MSANTD7: variants seen among roughly 807,000 people sequenced by gnomAD.
MSANTD7 encodes the protein zinc finger and SCAN domain containing 29.
At chr10:14,845,032 T>C in the MSANTD7 span, 6 of 985,326 alleles carry the variant, frequency 6.1e-6, no homozygotes, top group East Asian at 6.8e-4. Context: ...TCTTTAACTT[T>C]GGGAACACTA....
At chr10:14,846,358 TGAA>T in the MSANTD7 span, 2 of 985,264 alleles carry the variant, frequency 2.0e-6, no homozygotes, top group African/African-American at 3.5e-5. Flanking sequence ...AAAGGAGTGC[TGAA>T]GAAGAGCATT....
chr10:14,842,928 C>G, the MSANTD7 span: 2 of 1,012,248 alleles, frequency 2.0e-6, no homozygotes, highest in Non-Finnish European at 2.8e-6. The surrounding 1 kb of genome is among the most constrained non-coding windows in gnomAD (Gnocchi z 5.2). Flanking sequence ...GGATAGTGTC[C>G]TCTTCAGCAT....
chr10:14,842,680 G>A, the MSANTD7 span: 28 of 1,536,272 alleles, frequency 1.8e-5, no homozygotes, highest in Non-Finnish European at 2.4e-5. The surrounding 1 kb of genome is among the most constrained non-coding windows in gnomAD (Gnocchi z 5.2). Flanking sequence ...ACGCCCCAGG[G>A]GAAGAGGGAA....
chr10:14,840,896 T>G, the MSANTD7 span, among the ~76,000 whole-genome samples: 4 of 152,226 alleles, frequency 2.6e-5, no homozygotes, highest in Non-Finnish European at 5.9e-5. Flanking sequence ...TCCCCATTTA[T>G]AGATGAGAAA....
chr10:14,844,447 T>C, the MSANTD7 span: 2 of 991,518 alleles, frequency 2.0e-6, no homozygotes, highest in Non-Finnish European at 2.4e-6. Context: ...TCATGGAGTT[T>C]GAAATCTTAA....
the MSANTD7 span, chr10:14,842,073 C>T: frequency 1.6e-5 from 21 of 1,308,170 alleles, no homozygotes; most frequent in Admixed American, 2.0e-5. This position sits in a 1 kb window ranked among gnomAD's most constrained non-coding sequence, Gnocchi z 5.2. Flanking sequence ...CACCACTTAA[C>T]TTGCTGCCAA....
At chr10:14,841,605 A>C in the MSANTD7 span, among the ~76,000 whole-genome samples, 9 of 152,344 alleles carry the variant, frequency 5.9e-5, no homozygotes, top group African/African-American at 2.2e-4. Context: ...ACAATATGTT[A>C]CTGTTTGTTT....
At chr10:14,845,634 C>A in the MSANTD7 span, 1 of 747,994 alleles carries the variant, frequency 1.3e-6, no homozygotes, top group Non-Finnish European at 1.6e-6. Context: ...CACTGTTTTG[C>A]CCAGGCTGGG....
chr10:14,846,184 A>G, the MSANTD7 span: 1 of 985,164 alleles, frequency 1.0e-6, no homozygotes, highest in Non-Finnish European at 1.2e-6. Context: ...TTCATTCTCA[A>G]TTGTCTTAGG....
At chr10:14,838,418 G>A in the MSANTD7 span, 2 of 1,606,118 alleles carry the variant, frequency 1.2e-6, no homozygotes, top group Non-Finnish European at 1.7e-6. Flanking sequence ...GGCCATCGGA[G>A]TTCACCTGGG....
the MSANTD7 span, chr10:14,846,917 G>A: frequency 3.0e-6 from 3 of 985,396 alleles, no homozygotes; most frequent in Non-Finnish European, 3.6e-6. Flanking sequence ...TAAATAAGGT[G>A]CTATGTATAC....
the MSANTD7 span, chr10:14,844,308 A>G: frequency 1.1e-5 from 12 of 1,062,360 alleles, no homozygotes; most frequent in Admixed American, 5.0e-4. Flanking sequence ...AGCACTGTAC[A>G]CATTTAAGTT....
chr10:14,844,263 T>G, the MSANTD7 span: 6 of 1,083,808 alleles, frequency 5.5e-6, no homozygotes, highest in Non-Finnish European at 6.9e-6. Flanking sequence ...GAGGATCACG[T>G]AGTTCATAGA....
the MSANTD7 span, chr10:14,841,382 A>AT: frequency 3.9e-5 from 6 of 152,158 alleles, no homozygotes. Flanking sequence ...CAACAATATG[A>AT]TTTTTTTAAT....
At chr10:14,844,282 G>A in the MSANTD7 span, 1 of 1,078,084 alleles carries the variant, frequency 9.3e-7, no homozygotes, top group Admixed American at 4.9e-5. Flanking sequence ...GATGTGAAAG[G>A]GTTTAAAAGT....
chr10:14,844,184 G>A, the MSANTD7 span: 2 of 1,218,964 alleles, frequency 1.6e-6, no homozygotes, highest in East Asian at 4.8e-5. Context: ...CCTCCCTCCA[G>A]TGGTTTCCTC....
the MSANTD7 span, chr10:14,846,568 C>T: frequency 1.0e-6 from 1 of 983,752 alleles, no homozygotes; most frequent in Admixed American, 6.2e-5. Context: ...TAGACCCAAC[C>T]ATTACTACTT....
the MSANTD7 span, chr10:14,839,940 T>G: frequency 6.2e-7 from 1 of 1,613,024 alleles, no homozygotes; most frequent in Non-Finnish European, 8.5e-7. Context: ...ATGATGCCGG[T>G]GACCGAGTTA....
the MSANTD7 span, chr10:14,843,774 C>G: frequency 7.2e-6 from 11 of 1,536,342 alleles, no homozygotes; most frequent in East Asian, 2.7e-4. Flanking sequence ...CCAATGAGCT[C>G]CGCAGGGATG....
Sources: gnomAD v4.1 joint callset for allele counts (sites outside exome capture counted in the v4.1 genomes callset) on GRCh38, gnomAD v4.1.1 for gene constraint, Gnocchi (gnomAD v3.1) non-coding constraint, MANE v1.5 for transcripts, NCBI Gene and HGNC (gene_info 2026-07-23, HGNC 2026-07-21) for gene names.